WDR70: variants seen among roughly 807,000 people sequenced by gnomAD.
WDR70 encodes the protein WD repeat-containing protein 70.
WDR70 carries 53 observed loss-of-function variants against 88.6 expected under a neutral mutation model. The ratio of observed to expected loss-of-function variants is 0.60; its 90% confidence interval spans 0.48 to 0.75. The LOEUF (loss-of-function observed/expected upper bound fraction) is 0.75, where lower values mean the gene tolerates loss of function less well. Among genes scored for constraint, WDR70 ranks in the 30% least tolerant of loss-of-function variants. The pLI is 0.00. For synonymous variants in WDR70, 280 were observed against 270.0 expected, an observed-to-expected ratio of 1.04 and a Z score of -0.36; for missense variants, 610 against 823.2, an observed-to-expected ratio of 0.74 and a Z score of 3.17.
At chr5:37,564,708 T>C (rs1475416123) in intron 9 of WDR70, among the ~76,000 whole-genome samples, 1 of 152,196 alleles carries the variant, frequency 6.6e-6, no homozygotes, top group Non-Finnish European at 1.5e-5. Context: ...TTTACTTCCT[T>C]TCCTAAGATG....
intron 8 of WDR70, among the ~76,000 whole-genome samples, chr5:37,507,034 G>A (rs1321230030): frequency 6.6e-6 from 1 of 151,950 alleles, no homozygotes; most frequent in Non-Finnish European, 1.5e-5. Flanking sequence ...CCCAGGGCTC[G>A]GCCAGTCTTC....
chr5:37,454,880 C>G (rs549968685), intron 7 of WDR70, among the ~76,000 whole-genome samples: 1 of 152,318 alleles, frequency 6.6e-6, no homozygotes, highest in Admixed American at 6.5e-5. Flanking sequence ...TTGGCTTGTT[C>G]ATTTGCTATA....
intron 17 of WDR70, among the ~76,000 whole-genome samples, chr5:37,729,880 C>G (rs1748094932): frequency 6.6e-6 from 1 of 152,134 alleles, no homozygotes. Flanking sequence ...TTCCTATTCC[C>G]AGTCCCCCTT....
rs532484575 is a variant in WDR70 at position 37,502,202 on chromosome 5, T to C, written c.841-14312T>C. Among the ~76,000 whole-genome samples the C allele has an allele frequency of 3.3e-5, 5 of 152,274 alleles. No homozygotes were observed. The South Asian group carries it at 1.0e-3, about 32-fold the overall frequency. ...CCTTTTTTTTTATTTTTTGCGGCTA[T>C]TGTAAAAGGGATTGATTTGAGAATC... On this transcript the variant is annotated intron_variant, in intron 8 of 17. Transcript: ENST00000265107.
intron 5 of WDR70, among the ~76,000 whole-genome samples, chr5:37,435,467 T>G (rs906005880): frequency 3.3e-5 from 5 of 152,218 alleles, no homozygotes; most frequent in Non-Finnish European, 7.3e-5. Flanking sequence ...TAAATTGTTT[T>G]GGAATTTGTG....
intron 10 of WDR70, among the ~76,000 whole-genome samples, chr5:37,637,622 A>G (rs545656055): frequency 7.9e-5 from 12 of 152,328 alleles, no homozygotes; most frequent in Admixed American, 5.2e-4. Flanking sequence ...GATTACTAAA[A>G]GCTTAAGAAC....
chr5:37,477,985 T>C lies in WDR70; in HGVS notation c.687-1849T>C, dbSNP rs538165325. On this transcript the variant is annotated intron_variant, in intron 7 of 17. Transcript: ENST00000265107. ...ATTCAGGCATTTAAATGTATGCTAT[T>C]GTTAGTTGGATGTGACTGTCAGCTG... Among the ~76,000 whole-genome samples, 16 of 152,300 alleles carry C rather than the reference T, an allele frequency of 1.1e-4. 1 individual carries two copies. The South Asian group carries it at 2.9e-3, about 28-fold the overall frequency.
At chr5:37,687,790 G>A in intron 10 of WDR70, 1 of 421,548 alleles carries the variant, frequency 2.4e-6, no homozygotes, top group Non-Finnish European at 4.2e-6. Context: ...CTTTACTTGA[G>A]CACTGGAAGG....
chr5:37,640,186 C>T (rs567029795), intron 10 of WDR70, among the ~76,000 whole-genome samples: 172 of 152,144 alleles, frequency 1.1e-3, no homozygotes, highest in Non-Finnish European at 1.9e-3. Flanking sequence ...AGAGAATTAC[C>T]ATGAAAAATG....
At chr5:37,623,172 T>G (rs1364661442) in intron 10 of WDR70, among the ~76,000 whole-genome samples, 1 of 152,168 alleles carries the variant, frequency 6.6e-6, no homozygotes, top group Non-Finnish European at 1.5e-5. Context: ...CCTTTCTCAC[T>G]ATGAGATTCA....
rs376148041 is a variant in WDR70 at position 37,449,590 on chromosome 5, CAAAAAAA to C, written c.686+6225_686+6231del. 1.8e-3 allele frequency among the ~76,000 whole-genome samples: 158 copies of C among 85,782 alleles called. 2 individuals carry two copies. Among genetic ancestry groups the C allele is most frequent in the African/African-American group, 6.6e-3 (153 of 23,314 alleles). 56.3% of individuals were successfully genotyped at this position (85,782 alleles called of 152,430 possible). A position where few individuals can be genotyped will look rare whatever the true frequency, so the allele number is the denominator to read the frequency against. Reference sequence around the variant, plus strand: ...CTGGGCAACGAGTGAAATTTTGTCTCAAAAAAAAAAAAATAAAAAATAAAAAATAAAT... The same window carrying C: ...CTGGGCAACGAGTGAAATTTTGTCTCAAAAAATAAAAAATAAAAAATAAAT... On this transcript the variant is annotated intron_variant, in intron 7 of 17. Coordinates refer to ENST00000265107, the MANE Select transcript of WDR70 (RefSeq NM_018034.4).
intron 7 of WDR70, 152 bp from the exon 8 acceptor site, chr5:37,479,682 T>C: frequency 1.1e-6 from 1 of 914,308 alleles, no homozygotes; most frequent in Non-Finnish European, 1.6e-6. Context: ...CTAGTGGGTA[T>C]TTAGAACCCA....
Position 37,722,946 on chromosome 5 carries a change from A to G in WDR70, c.1597+12A>G. On this transcript the variant is annotated intron_variant, in intron 15 of 17. Transcript: ENST00000265107. ...CTACATCATCACCCGTAAGTCGTTA[A>G]CATGCCTCTCAATCATGCATCTCTC... is the stretch of plus-strand genomic sequence containing the variant. 1 of 1,613,352 alleles carries G rather than the reference A, an allele frequency of 6.2e-7. No individual in the cohort carries two copies. Among genetic ancestry groups the G allele is most frequent in the South Asian group, 1.1e-5 (1 of 91,070 alleles).
intron 9 of WDR70, among the ~76,000 whole-genome samples, chr5:37,573,009 C>T (rs1742951903): frequency 6.6e-6 from 1 of 152,124 alleles, no homozygotes; most frequent in Admixed American, 6.6e-5. Context: ...TTTCTTCTTC[C>T]TGGAATGCTC....
intron 7 of WDR70, among the ~76,000 whole-genome samples, chr5:37,460,684 G>A (rs1205607509): frequency 5.0e-5 from 1 of 20,162 alleles, no homozygotes; most frequent in Non-Finnish European, 1.6e-4. Context: ...AAAACTTAGA[G>A]TATAATAAAA....
At chr5:37,685,562 A>G (rs1746565349) in intron 10 of WDR70, among the ~76,000 whole-genome samples, 1 of 152,136 alleles carries the variant, frequency 6.6e-6, no homozygotes, top group Admixed American at 6.5e-5. Context: ...CTGATGGGCA[A>G]GACTGCCCCT....
In WDR70 at chr5:37,547,322, C is replaced by T. The variant is rs1742027796; in HGVS notation, c.917+30732C>T. ...CTTGAAGTTCATAAAGTTAAAATAT[C>T]TCTTTGTTTTGACTTTGACTTTTCT... On this transcript the variant is annotated intron_variant, in intron 9 of 17. Coordinates refer to ENST00000265107, the MANE Select transcript of WDR70 (RefSeq NM_018034.4). Among the ~76,000 whole-genome samples, 4 of 152,178 alleles carry T rather than the reference C, an allele frequency of 2.6e-5. No individual in the cohort carries two copies. In the South Asian group the frequency reaches 8.3e-4, roughly 32 times the overall value.
At chr5:37,456,882 A>G (rs987468268) in intron 7 of WDR70, among the ~76,000 whole-genome samples, 6 of 152,198 alleles carry the variant, frequency 3.9e-5, no homozygotes, top group Non-Finnish European at 7.3e-5. Context: ...AGCCAAAGGA[A>G]ATGAATTAAT....
chr5:37,727,040 T>C lies in WDR70; in HGVS notation c.1872T>C (p.Tyr624=), dbSNP rs745581177. The change falls in exon 17 of 18, where the codon TAT becomes TAC. Residue 624 remains tyrosine, a synonymous_variant. Coordinates refer to ENST00000265107, the MANE Select transcript of WDR70 (RefSeq NM_018034.4). ...GCCCATATTGGGTTTCTCCAGCATATTCCAAGTGAGAATATAGCTTTTTAA... is the reference window on the plus strand; with the variant it reads ...GCCCATATTGGGTTTCTCCAGCATACTCCAAGTGAGAATATAGCTTTTTAA... ...EDSPYWVSPA[Y]SKTQPKTMFA... The C allele has an allele frequency of 3.9e-5, 62 of 1,606,134 alleles. 1 individual carries two copies. The South Asian group carries it at 5.8e-4, about 15-fold the overall frequency.
Sources: gnomAD v4.1 joint callset for allele counts (sites outside exome capture counted in the v4.1 genomes callset) on GRCh38, gnomAD v4.1.1 for gene constraint, MANE v1.5 for transcripts, NCBI Gene and HGNC (gene_info 2026-07-23, HGNC 2026-07-21) for gene names.